EFHC2: variants seen among roughly 807,000 people sequenced by gnomAD.
EFHC2 encodes EF-hand domain-containing family member C2.
Under a neutral mutation model 52.7 loss-of-function variants are expected in EFHC2, and 18 were observed. The ratio of observed to expected loss-of-function variants is 0.34; its 90% confidence interval spans 0.24 to 0.51. EFHC2 has a LOEUF of 0.51. Ranked by LOEUF, EFHC2 falls within the 20% of genes least tolerant of loss-of-function variation. EFHC2 has a pLI of 0.97. For synonymous variants in EFHC2, 203 were observed against 204.1 expected (o/e 0.99, Z 0.04); for missense variants, 513 against 562.5 (o/e 0.91, Z 0.89).
At chrX:44,176,683 T>C (rs964513885) in intron 12 of EFHC2, among the ~76,000 whole-genome samples, 5 of 112,522 alleles carry the variant, frequency 4.4e-5, no homozygotes, top group African/African-American at 1.6e-4. Context: ...CTCTAAGTAA[T>C]TGATCTGCAT....
chrX:44,321,129 C>G (rs1602216745), intron 1 of EFHC2, among the ~76,000 whole-genome samples: 1 of 111,302 alleles, frequency 9.0e-6, no homozygotes, highest in African/African-American at 3.3e-5. Context: ...GAAGGTAGAA[C>G]AAAAAGGATT....
At chrX:44,229,497 G>A (rs989210158) in intron 11 of EFHC2, among the ~76,000 whole-genome samples, 152 bp downstream of exon 11, 20 of 111,886 alleles carry the variant, frequency 1.8e-4, no homozygotes, top group East Asian at 5.6e-4. Flanking sequence ...TAGAGTATTC[G>A]TGGCCAAAAC....
At chrX:44,204,916 A>G (rs769658957) in intron 11 of EFHC2, among the ~76,000 whole-genome samples, 9 of 111,905 alleles carry the variant, frequency 8.0e-5, no homozygotes, top group Non-Finnish European at 1.1e-4. Context: ...AACCACTCCC[A>G]TGGCAAATAG....
chrX:44,277,258 C>CAAAAA (rs753856788), intron 2 of EFHC2, among the ~76,000 whole-genome samples: 1 of 21,818 alleles, frequency 4.6e-5, no homozygotes, highest in African/African-American at 1.6e-4. Flanking sequence ...GACTCCAGCT[C>CAAAAA]AAAAAAAAAA....
intron 14 of EFHC2, among the ~76,000 whole-genome samples, chrX:44,151,222 G>A (rs762999900): frequency 2.2e-4 from 25 of 111,631 alleles, no homozygotes; most frequent in Non-Finnish European, 4.5e-4. Context: ...AACTCAGTCT[G>A]TGGTACTTTG....
intron 11 of EFHC2, among the ~76,000 whole-genome samples, chrX:44,217,023 G>GA (rs1455131508): frequency 7.2e-5 from 8 of 111,602 alleles, no homozygotes; most frequent in Admixed American, 5.7e-4. Flanking sequence ...ACTTTATAGG[G>GA]AAAAAATCTA....
intron 14 of EFHC2, among the ~76,000 whole-genome samples, chrX:44,153,876 T>C (rs2036588083): frequency 8.9e-6 from 1 of 112,568 alleles, no homozygotes; most frequent in Non-Finnish European, 1.9e-5. Flanking sequence ...CTTCATTGAC[T>C]TTTTATTAAT....
chrX:44,172,023 G>A (rs765118020), intron 13 of EFHC2, among the ~76,000 whole-genome samples: 12 of 112,065 alleles, frequency 1.1e-4, no homozygotes, highest in Non-Finnish European at 1.9e-4. Context: ...AGCACTAACC[G>A]TGCCTCTGGG....
chrX:44,293,040 C>T (rs2037804176), intron 2 of EFHC2, among the ~76,000 whole-genome samples: 5 of 102,676 alleles, frequency 4.9e-5, no homozygotes, highest in African/African-American at 1.1e-4. Flanking sequence ...AGCAGTGGTG[C>T]GATCTCGGCT....
rs1467602597 is a variant in EFHC2 at position 44,281,557 on chromosome X, T to C, written c.232-8721A>G. Among the ~76,000 whole-genome samples the C allele has an allele frequency of 6.2e-5, 7 of 112,040 alleles. No homozygotes were observed. In the Admixed American group the frequency reaches 6.6e-4, roughly 11 times the overall value. ...ATATCAGATGAAGTATTGGCTTAAA[T>C]ATAATAAATCAATTCCTTTCACCTT... On this transcript the variant is annotated intron_variant, in intron 2 of 14. Transcript: ENST00000420999.
chrX:44,152,415 A>T (rs774864281), intron 14 of EFHC2, among the ~76,000 whole-genome samples: 1 of 111,868 alleles, frequency 8.9e-6, no homozygotes, highest in Admixed American at 9.5e-5. Context: ...GCTGACAAGG[A>T]TCTATTCAGA....
chrX:44,320,268 G>A (rs754437988), intron 1 of EFHC2, among the ~76,000 whole-genome samples: 141 of 112,013 alleles, frequency 1.3e-3, no homozygotes, highest in African/African-American at 4.4e-3. Flanking sequence ...TAAAGCACCT[G>A]GGAGGAGGGC....
intron 11 of EFHC2, among the ~76,000 whole-genome samples, chrX:44,202,477 AT>A (rs2037014506): frequency 8.9e-6 from 1 of 112,482 alleles, no homozygotes. Context: ...AGAAAATGTA[AT>A]TTTAAAGTAA....
At position 44,149,041 on chromosome X, in the gene EFHC2, T is replaced by C; in HGVS notation, c.2149-145A>G. 1.3e-5 allele frequency: 6 copies of C among 469,386 alleles called. No individual in the cohort carries two copies. The East Asian group carries it at 2.4e-4, about 18-fold the overall frequency. 38.7% of individuals were successfully genotyped at this position (469,386 alleles called of 1,213,427 possible). On this transcript the variant is annotated intron_variant, in intron 14 of 14. Transcript: ENST00000420999. ...ACTTTGTGGTCTACTGGATACTTGT[T>C]CTTGATTCTTCATTCCCTCCCTGTA...
intron 11 of EFHC2, among the ~76,000 whole-genome samples, chrX:44,227,999 A>G (rs1299827215): frequency 8.9e-6 from 1 of 112,220 alleles, no homozygotes; most frequent in Non-Finnish European, 1.9e-5. Context: ...AGGTGATGAC[A>G]CTGGAAATAC....
At chrX:44,179,384 T>C (rs1366947017) in intron 11 of EFHC2, among the ~76,000 whole-genome samples, 1 of 112,258 alleles carries the variant, frequency 8.9e-6, no homozygotes. Context: ...CTGGAAATAA[T>C]TCAGTTCCCA....
chrX:44,334,658 A>G (rs942532230), intron 1 of EFHC2, among the ~76,000 whole-genome samples: 2 of 111,344 alleles, frequency 1.8e-5, no homozygotes, highest in African/African-American at 6.5e-5. Context: ...TATTTTTAGT[A>G]GAGACAGGTT....
At chrX:44,159,166 T>G (rs1272221402) in intron 14 of EFHC2, among the ~76,000 whole-genome samples, 1 of 111,107 alleles carries the variant, frequency 9.0e-6, no homozygotes, top group African/African-American at 3.3e-5. Flanking sequence ...CCATTCTTCT[T>G]TTTTTCCCCC....
chrX:44,205,621 AAAGGACAAAG>A (rs1370137425), intron 11 of EFHC2, among the ~76,000 whole-genome samples: 2 of 111,647 alleles, frequency 1.8e-5, no homozygotes, highest in Non-Finnish European at 3.8e-5. Flanking sequence ...CGACATTAAA[AAAGGACAAAG>A]AAGGGCACTA....
Sources: allele counts gnomAD v4.1 joint callset (sites outside exome capture counted in the v4.1 genomes callset), GRCh38; gene constraint gnomAD v4.1.1; transcripts MANE v1.5; gene names NCBI Gene and HGNC (gene_info 2026-07-23, HGNC 2026-07-21).